Variants in OPA1 observed in about 807,000 individuals in gnomAD.
OPA1 encodes dynamin-like GTPase OPA1, mitochondrial.
Under a neutral mutation model 152.9 loss-of-function variants are expected in OPA1, and 59 were observed. The ratio of observed to expected loss-of-function variants is 0.39; its 90% CI spans 0.31 to 0.48. OPA1 has a LOEUF of 0.48. Among genes scored for constraint, OPA1 ranks in the 20% least tolerant of loss-of-function variants. The probability of loss-of-function intolerance (pLI) is 0.96; values close to 1 mark genes in which losing one functional copy is unlikely to be tolerated. For missense variants in OPA1, 1,008 were observed against 1,216.8 expected (o/e 0.83, Z 2.55); for synonymous variants, 400 against 389.9 (o/e 1.03, Z -0.31).
At chr3:193,664,757 A>C (rs919844753) in intron 26 of OPA1, 123 bp from the exon 27 acceptor site, 3 of 674,034 alleles carry the variant, frequency 4.5e-6, no homozygotes, top group Non-Finnish European at 7.9e-6. Context: ...TATGTAAAGA[A>C]TAACCTTGCT....
At chr3:193,660,002 G>T (rs566700055) in intron 25 of OPA1, among the ~76,000 whole-genome samples, 3 of 152,108 alleles carry the variant, frequency 2.0e-5, no homozygotes, top group Non-Finnish European at 2.9e-5. Context: ...AAAAAAATTA[G>T]CCAGGTGTGG....
At chr3:193,657,330 T>A (rs1714096904) in intron 23 of OPA1, 98 bp downstream of exon 23, 1 of 1,163,304 alleles carries the variant, frequency 8.6e-7, no homozygotes, top group Non-Finnish European at 1.3e-6. Context: ...TAAATTACAT[T>A]CTGAATTAAA....
intron 29 of OPA1, among the ~76,000 whole-genome samples, chr3:193,683,180 T>C (rs913768739): frequency 1.3e-5 from 2 of 152,036 alleles, no homozygotes; most frequent in African/African-American, 4.8e-5. Flanking sequence ...GAGACAGCAA[T>C]AGAACTAGAA....
rs200560073 is a variant in OPA1 at position 193,615,812 on chromosome 3, G to A, written c.448+42G>A. On this transcript the variant is annotated intron_variant, in intron 3 of 30. Transcript: ENST00000361510. ...TTAAAATACTTTTTTTGGTCATCTC[G>A]AGGAAAGAGAAATAGTTTATTGAGA... The A allele has an allele frequency of 7.5e-5, 83 of 1,100,514 alleles. No individual in the cohort carries two copies. In the East Asian group the frequency reaches 1.2e-3, roughly 16 times the overall value. The allele number at this position is 1,100,514 out of a possible 1,614,324, so 68.2% of individuals were successfully genotyped here.
chr3:193,630,995 CTG>C (rs1731990771), intron 7 of OPA1, among the ~76,000 whole-genome samples: 1 of 152,112 alleles, frequency 6.6e-6, no homozygotes, highest in Non-Finnish European at 1.5e-5. Context: ...GATGCATTCT[CTG>C]TGTTACGAGT....
chr3:193,615,809 C>A, intron 3 of OPA1, 39 bp downstream of exon 3: 1 of 1,157,274 alleles, frequency 8.6e-7, no homozygotes, highest in Non-Finnish European at 1.3e-6. Context: ...TTTTGGTCAT[C>A]TCGAGGAAAG....
At chr3:193,624,965 C>T (rs1043912178) in intron 6 of OPA1, among the ~76,000 whole-genome samples, 1 of 152,046 alleles carries the variant, frequency 6.6e-6, no homozygotes, top group Non-Finnish European at 1.5e-5. Flanking sequence ...ATTTTTATAA[C>T]TTGGTAAAAA....
chr3:193,635,353 T>G, intron 8 of OPA1, 65 bp from the exon 9 acceptor site: 3 of 959,058 alleles, frequency 3.1e-6, no homozygotes, highest in Non-Finnish European at 5.0e-6. Context: ...GATTTTAATT[T>G]AGACTTAATA....
rs879225474 is a variant in OPA1 at position 193,637,374 on chromosome 3, A to G, written c.1035+93A>G. ...TATGTGTATATATGTACACATACAC[A>G]TATATACATACTAGATGTAGGCATT... is the stretch of plus-strand genomic sequence containing the variant. On this transcript the variant is annotated intron_variant, in intron 10 of 30. Coordinates refer to ENST00000361510, the MANE Select transcript of OPA1 (RefSeq NM_130837.3). 2.1e-4 allele frequency: 146 copies of G among 704,082 alleles called. 1 individual carries two copies. The highest frequency in any genetic ancestry group is 1.0e-3 in the Middle Eastern group (4 of 3,988). 43.6% of individuals were successfully genotyped at this position (704,082 alleles called of 1,614,324 possible).
intron 16 of OPA1, 95 bp downstream of exon 16, chr3:193,644,200 A>C (rs918251477): frequency 2.7e-5 from 37 of 1,370,970 alleles, no homozygotes; most frequent in East Asian, 7.0e-5. Context: ...ACAACAACAA[A>C]AAAACACCTT....
rs1404189100 is a variant in OPA1, at chr3:193,635,647, G to A, written c.948+125G>A. 6.0e-6 allele frequency: 4 copies of A among 671,740 alleles called. No individual in the cohort carries two copies. The African/African-American group carries it at 7.2e-5, about 12-fold the overall frequency. The allele number at this position is 671,740 out of a possible 1,614,324, so 41.6% of individuals were successfully genotyped here. A position where few individuals can be genotyped will look rare whatever the true frequency, so the allele number is the denominator to read the frequency against. ...CTTTTCTTTCTAACCTAATGTGCTT[G>A]GAGGATGGAGGATCTCTTCCTATAT... On this transcript the variant is annotated intron_variant, in intron 9 of 30. Coordinates refer to ENST00000361510, the MANE Select transcript of OPA1 (RefSeq NM_130837.3).
intron 8 of OPA1, 42 bp downstream of exon 8, chr3:193,631,707 T>A (rs573717886): frequency 6.6e-7 from 1 of 1,524,064 alleles, no homozygotes; most frequent in Non-Finnish European, 9.1e-7. Flanking sequence ...TTTTAAAAAT[T>A]ATATTCGAAT....
chr3:193,669,604 C>T (rs371434284), intron 29 of OPA1, among the ~76,000 whole-genome samples: 3 of 152,080 alleles, frequency 2.0e-5, no homozygotes, highest in Non-Finnish European at 4.4e-5. Flanking sequence ...AAATTAGTAC[C>T]GTTACAGGAA....
rs1294634707 is a variant in OPA1 at position 193,635,445 on chromosome 3, T to C, written c.871T>C (p.Leu291=). 1 of 1,605,508 alleles carries C rather than the reference T, an allele frequency of 6.2e-7. No homozygotes were observed. The highest frequency in any genetic ancestry group is 1.7e-5 in the Admixed American group (1 of 59,980). The change falls in exon 9 of 31, where the codon TTA becomes CTA. Residue 291 remains leucine (L), a synonymous_variant. Coordinates refer to ENST00000361510, the MANE Select transcript of OPA1 (RefSeq NM_130837.3). ...QLKYQRILER[L]EKENKELRKL... ...GAAGTATCAGAGAATCTTGGAACGA[T>C]TAGAAAAGGAGAACAAAGAATTGAG... is the stretch of plus-strand genomic sequence containing the variant.
Position 193,615,004 on chromosome 3 carries a change from T to C in OPA1, c.314T>C (p.Leu105Pro). The part of the protein sequence containing the change: ...TRLLKLRYLI[L>P]GSAVGGGYTA... Reference sequence around the variant, plus strand: ...CTCTTAAAACTTCGCTATCTCATACTAGGATCGGCTGTTGGGGGTGGCTAC... The same window carrying C: ...CTCTTAAAACTTCGCTATCTCATACCAGGATCGGCTGTTGGGGGTGGCTAC... Residue 105 changes from leucine to proline, a missense_variant, in exon 2 of 31, where the codon CTA becomes CCA. Around this residue, in one of 7 missense-constraint regions of OPA1, gnomAD observed 408 missense variants for 395.1 expected, o/e 1.03. Coordinates refer to ENST00000361510, the MANE Select transcript of OPA1 (RefSeq NM_130837.3). 6.2e-7 allele frequency: 1 copy of C among 1,614,212 alleles called. No homozygotes were observed. The highest frequency in any genetic ancestry group is 8.5e-7 in the Non-Finnish European group (1 of 1,180,020).
In OPA1 at chr3:193,660,813, G is replaced by A. The variant is rs555676091; in HGVS notation, c.2520+1252G>A. Reference sequence around the variant, plus strand: ...TCATGCATGTGTTCAGGGTGCGTTGGTTATCTCTGCTCTACAGATGGGCCG... The same window carrying A: ...TCATGCATGTGTTCAGGGTGCGTTGATTATCTCTGCTCTACAGATGGGCCG... On this transcript the variant is annotated intron_variant, in intron 25 of 30. Coordinates refer to ENST00000361510, the MANE Select transcript of OPA1 (RefSeq NM_130837.3). 1.8e-4 allele frequency among the ~76,000 whole-genome samples: 27 copies of A among 152,198 alleles called. No individual in the cohort carries two copies. The East Asian group carries it at 3.5e-3, about 20-fold the overall frequency.
At chr3:193,617,094 C>A in intron 3 of OPA1, 84 bp from the exon 4 acceptor site, 1 of 827,854 alleles carries the variant, frequency 1.2e-6, no homozygotes, top group Non-Finnish European at 2.0e-6. Context: ...GAGGATTAAA[C>A]AAGTTAATAC....
intron 21 of OPA1, among the ~76,000 whole-genome samples, chr3:193,651,275 A>G (rs560119878): frequency 1.3e-5 from 2 of 152,300 alleles, no homozygotes; most frequent in South Asian, 4.1e-4. Flanking sequence ...ACTGTAAGCA[A>G]GGAGGCAGTT....
In OPA1 at chr3:193,637,176, CTT is replaced by C. The variant is rs1733075760; in HGVS notation, c.949-15_949-14del. The C allele has an allele frequency of 6.9e-7, 1 of 1,440,184 alleles. No individual in the cohort carries two copies. Among genetic ancestry groups the C allele is most frequent in the Non-Finnish European group, 9.6e-7 (1 of 1,036,524 alleles). The allele number at this position is 1,440,184 out of a possible 1,614,324, so 89.2% of individuals were successfully genotyped here. A position where few individuals can be genotyped will look rare whatever the true frequency, so the allele number is the denominator to read the frequency against. On this transcript the variant is annotated splice_polypyrimidine_tract_variant and intron_variant, in intron 9 of 30. Transcript: ENST00000361510. ...TTACTTTTACTGTTTTATATTATAA[CTT>C]TTTAAAATTTTTACAGAAATCTTTG...
Sources: gnomAD v4.1 joint callset for allele counts (sites outside exome capture counted in the v4.1 genomes callset) on GRCh38, gnomAD v4.1.1 for gene constraint, gnomAD v4.1.1 regional missense constraint, MANE v1.5 for transcripts, NCBI Gene and HGNC (gene_info 2026-07-23, HGNC 2026-07-21) for gene names.